CYTH1: variants seen among roughly 807,000 people sequenced by gnomAD.
CYTH1 encodes the protein cytohesin-1.
CYTH1 carries 18 observed loss-of-function variants against 61.8 expected under a neutral mutation model. The observed-to-expected ratio is 0.29, with a 90% confidence interval of 0.20 to 0.43. CYTH1 has a LOEUF of 0.43. CYTH1 is among the 20% of genes least tolerant of loss of function. CYTH1 has a pLI of 1.00. For missense variants in CYTH1, 336 were observed against 510.5 expected (o/e 0.66, Z 3.29); for synonymous variants, 174 against 184.3 (o/e 0.94, Z 0.45).
At chr17:78,701,967 C>T (rs564836852) in intron 5 of CYTH1, among the ~76,000 whole-genome samples, 155 bp downstream of exon 5, 33 of 152,298 alleles carry the variant, frequency 2.2e-4, no homozygotes, top group Non-Finnish European at 3.8e-4. Context: ...AGACCCATCA[C>T]TATTCCCCAG....
intron 1 of CYTH1, among the ~76,000 whole-genome samples, chr17:78,754,777 C>T (rs2093394328): frequency 6.6e-6 from 1 of 152,110 alleles, no homozygotes; most frequent in Non-Finnish European, 1.5e-5. Context: ...TTATAAAAAT[C>T]TTTAACTGCT....
intron 1 of CYTH1, among the ~76,000 whole-genome samples, chr17:78,768,337 C>T (rs540210262): frequency 1.3e-5 from 2 of 152,272 alleles, no homozygotes; most frequent in South Asian, 2.1e-4. Flanking sequence ...GTGGCATCAC[C>T]CACTCCCTGG....
Position 78,721,450 on chromosome 17 carries a change from A to G in CYTH1, c.23-11718T>C, listed in dbSNP as rs138314463. The stretch of plus-strand genomic sequence containing the variant: ...AGAGGTGCCTTCCGGCAAATTGCCA[A>G]TATGAATATTTAGACTATTCTAATT... On this transcript the variant is annotated intron_variant, in intron 1 of 13. Coordinates refer to ENST00000446868, the MANE Select transcript of CYTH1 (RefSeq NM_004762.6). Among the ~76,000 whole-genome samples the G allele has an allele frequency of 3.2e-3, 482 of 152,396 alleles. 1 individual carries two copies. The highest frequency in any genetic ancestry group is 0.011 in the African/African-American group (442 of 41,592).
intron 1 of CYTH1, among the ~76,000 whole-genome samples, chr17:78,724,242 G>A (rs552160870): frequency 1.4e-3 from 208 of 152,266 alleles, no homozygotes; most frequent in Non-Finnish European, 2.5e-3. Context: ...TGTTAAACAC[G>A]CAGATTTGGG....
At chr17:78,741,384 T>C (rs1481694162) in intron 1 of CYTH1, among the ~76,000 whole-genome samples, 1 of 151,558 alleles carries the variant, frequency 6.6e-6, no homozygotes, top group Non-Finnish European at 1.5e-5. Context: ...AAAAATTAAA[T>C]AAATGACAGT....
chr17:78,696,156 G>C (rs1205013406), intron 9 of CYTH1, 147 bp from the exon 10 acceptor site: 7 of 1,199,734 alleles, frequency 5.8e-6, no homozygotes, highest in Non-Finnish European at 7.7e-6. Context: ...CCTGGGGAGA[G>C]AGCTGAACTA....
At chr17:78,718,034 A>G (rs1045670117) in intron 1 of CYTH1, among the ~76,000 whole-genome samples, 1 of 152,150 alleles carries the variant, frequency 6.6e-6, no homozygotes, top group Admixed American at 6.5e-5. Flanking sequence ...TTAAGGAGTG[A>G]GCCCTCATTT....
intron 1 of CYTH1, among the ~76,000 whole-genome samples, chr17:78,742,718 T>C (rs1366227764): frequency 6.6e-6 from 1 of 151,860 alleles, no homozygotes; most frequent in African/African-American, 2.4e-5. Context: ...CTGGGCGTGG[T>C]GGTGGGCGCA....
Position 78,740,262 on chromosome 17 carries a change from C to T in CYTH1, c.23-30530G>A, listed in dbSNP as rs1598899723. ...GGAGCTGCTATCTTCTGATATGCTG[C>T]CAACCAGGTCCCCCATCTCCACTCC... On this transcript the variant is annotated intron_variant, in intron 1 of 13. Coordinates refer to ENST00000446868, the MANE Select transcript of CYTH1 (RefSeq NM_004762.6). 2.0e-5 allele frequency among the ~76,000 whole-genome samples: 3 copies of T among 152,152 alleles called. 1 individual carries two copies. The East Asian group carries it at 5.8e-4, about 29-fold the overall frequency.
intron 1 of CYTH1, among the ~76,000 whole-genome samples, chr17:78,772,786 T>C (rs541522226): frequency 1.8e-4 from 27 of 152,256 alleles, no homozygotes; most frequent in Admixed American, 1.4e-3. Flanking sequence ...TCCGGCCACC[T>C]TGGCCTCCCA....
intron 7 of CYTH1, among the ~76,000 whole-genome samples, chr17:78,699,805 G>A (rs952306474): frequency 6.6e-6 from 1 of 152,096 alleles, no homozygotes; most frequent in African/African-American, 2.4e-5. Flanking sequence ...TTTGTTTTGA[G>A]ACAGGGTCTC....
At chr17:78,777,035 G>C (rs1349079820) in intron 1 of CYTH1, among the ~76,000 whole-genome samples, 1 of 151,946 alleles carries the variant, frequency 6.6e-6, no homozygotes, top group Admixed American at 6.6e-5. Context: ...TGAGGCAGGA[G>C]AATTGCTTGA....
At chr17:78,748,623 T>C (rs2093368184) in intron 1 of CYTH1, among the ~76,000 whole-genome samples, 1 of 152,236 alleles carries the variant, frequency 6.6e-6, no homozygotes, top group South Asian at 2.1e-4. Flanking sequence ...TGTATACTTC[T>C]AAACCAAATT....
rs575202778 is a variant in CYTH1, at chr17:78,755,793, C to T, written c.22+26409G>A. On this transcript the variant is annotated intron_variant, in intron 1 of 13. Transcript: ENST00000446868. The stretch of plus-strand genomic sequence containing the variant: ...GGGCATGGTGGTGCAAGCCTGTAGT[C>T]CCAGCTACTTGGGAGGCTGAGGTGG... Among the ~76,000 whole-genome samples, 7 of 151,902 alleles carry T rather than the reference C, an allele frequency of 4.6e-5. No homozygotes were observed. In the East Asian group the frequency reaches 1.4e-3, roughly 30 times the overall value.
At chr17:78,753,161 CTG>C (rs1007645046) in intron 1 of CYTH1, among the ~76,000 whole-genome samples, 37 of 152,156 alleles carry the variant, frequency 2.4e-4, no homozygotes, top group South Asian at 4.1e-4. Flanking sequence ...AGCTAACAGA[CTG>C]TCAATAAATG....
intron 1 of CYTH1, chr17:78,727,708 T>C (rs985478016): frequency 8.5e-6 from 4 of 470,988 alleles, no homozygotes; most frequent in African/African-American, 8.0e-5. Context: ...TCCTGGCGAG[T>C]GCATCCTTCT....
chr17:78,681,095 CTG>C, intron 11 of CYTH1, 53 bp from the exon 12 acceptor site: 1 of 1,567,174 alleles, frequency 6.4e-7, no homozygotes, highest in East Asian at 2.2e-5. Flanking sequence ...AGGACACACA[CTG>C]TCAGATTCCT....
chr17:78,682,346 T>A (rs901219504), intron 11 of CYTH1, among the ~76,000 whole-genome samples: 3 of 152,210 alleles, frequency 2.0e-5, no homozygotes, highest in African/African-American at 7.2e-5. Context: ...TAATGCTAAT[T>A]TGTATCAGGC....
chr17:78,766,268 T>C (rs2093448430), intron 1 of CYTH1, among the ~76,000 whole-genome samples: 1 of 152,058 alleles, frequency 6.6e-6, no homozygotes, highest in Admixed American at 6.6e-5. Flanking sequence ...TTTTATTTAG[T>C]CATAAAGGGC....
Sources: allele counts gnomAD v4.1 joint callset (sites outside exome capture counted in the v4.1 genomes callset), GRCh38; gene constraint gnomAD v4.1.1; transcripts MANE v1.5; gene names NCBI Gene and HGNC (gene_info 2026-07-23, HGNC 2026-07-21).